Variants in PLXDC1 observed in about 807,000 individuals in gnomAD.
PLXDC1 encodes the protein plexin domain containing 1, also known as plexin domain-containing protein 1.
In PLXDC1, 39 loss-of-function variants were observed where a neutral mutation model predicts 61.3. The ratio of observed to expected loss-of-function variants is 0.64; its 90% confidence interval spans 0.49 to 0.83. The LOEUF (loss-of-function observed/expected upper bound fraction) is 0.83. Among genes scored for constraint, PLXDC1 ranks in the 40% least tolerant of loss-of-function variants. The pLI is 0.00. For missense variants in PLXDC1, 596 were observed against 666.5 expected (o/e 0.89, Z 1.17); for synonymous variants, 212 against 254.5 (o/e 0.83, Z 1.59).
intron 2 of PLXDC1, among the ~76,000 whole-genome samples, chr17:39,123,434 C>T (rs893107565): frequency 6.6e-6 from 1 of 152,164 alleles, no homozygotes; most frequent in Non-Finnish European, 1.5e-5. Flanking sequence ...AGGTGATCCA[C>T]CCGCCTCGGC....
chr17:39,109,880 C>T (rs9910746), intron 2 of PLXDC1, among the ~76,000 whole-genome samples: 5,056 of 152,330 alleles, frequency 0.033, 266 homozygotes, highest in African/African-American at 0.1. Context: ...CGGTGGCTCG[C>T]GCCTGTAATC....
In PLXDC1 at chr17:39,151,097, C is replaced by G. The variant is rs77334119; in HGVS notation, c.76+265G>C. On this transcript the variant is annotated intron_variant, in intron 1 of 13. Transcript: ENST00000315392. This position sits in a 1 kb window ranked among gnomAD's most constrained non-coding sequence, Gnocchi z 5.2. ...TCAGAGCCCATGGCCACATAGAGCCCCCTCTCCTAAGGTCCCTCCAGTATC... is the reference window on the plus strand; with the variant it reads ...TCAGAGCCCATGGCCACATAGAGCCGCCTCTCCTAAGGTCCCTCCAGTATC... Among the ~76,000 whole-genome samples, 11,835 of 152,244 alleles carry G rather than the reference C, an allele frequency of 0.078. 539 individuals carry two copies. Among genetic ancestry groups the G allele is most frequent in the East Asian group, 0.12 (635 of 5,176 alleles).
rs370170123 is a variant in PLXDC1 at position 39,088,504 on chromosome 17, C to T, written c.812-802G>A. ...GGAAAGACAGAAACACCTACCACAA[C>T]ACCCTTGGGAGGAAAAAGCTGGAAC... is the stretch of plus-strand genomic sequence containing the variant. On this transcript the variant is annotated intron_variant, in intron 7 of 13. Coordinates refer to ENST00000315392, the MANE Select transcript of PLXDC1 (RefSeq NM_020405.5). 1.2e-4 allele frequency among the ~76,000 whole-genome samples: 18 copies of T among 152,344 alleles called. No homozygotes were observed. In the East Asian group the frequency reaches 2.3e-3, roughly 20 times the overall value.
chr17:39,125,165 C>G (rs1483191954), intron 2 of PLXDC1, among the ~76,000 whole-genome samples: 1 of 152,194 alleles, frequency 6.6e-6, no homozygotes, highest in African/African-American at 2.4e-5. Context: ...CATACAATAA[C>G]CCCCAGCTGC....
At chr17:39,152,780 A>AAAAAG (rs1377007551), upstream of PLXDC1, 22 of 882,600 alleles carry the variant, frequency 2.5e-5, no homozygotes, top group East Asian at 6.6e-4. Flanking sequence ...TAAAAAAAAA[A>AAAAAG]AAAAGAAAAG....
intron 1 of PLXDC1, 135 bp from the exon 2 acceptor site, chr17:39,139,967 G>C (rs747255679): frequency 1.5e-5 from 12 of 820,840 alleles, no homozygotes; most frequent in Non-Finnish European, 2.2e-5. Flanking sequence ...TGACTACCAG[G>C]ACAGGAGACA....
At chr17:39,076,351 A>T (rs549923025) in intron 11 of PLXDC1, among the ~76,000 whole-genome samples, 1 of 151,288 alleles carries the variant, frequency 6.6e-6, no homozygotes, top group Admixed American at 6.6e-5. Flanking sequence ...TCTACAAAAA[A>T]TTTTTAAAAA....
chr17:39,101,515 G>T (rs1437634046), intron 7 of PLXDC1, among the ~76,000 whole-genome samples: 1 of 152,152 alleles, frequency 6.6e-6, no homozygotes, highest in East Asian at 1.9e-4. Context: ...GGTGAGGTGC[G>T]AGCCCCACAC....
In PLXDC1 at chr17:39,095,632, C is replaced by CT. The variant is rs538439356; in HGVS notation, c.812-7931dup. On this transcript the variant is annotated intron_variant, in intron 7 of 13. Transcript: ENST00000315392. ...AACAAGAAATGTTTTTGTTTTTTGTCTTTTTTTTTTGGCGGGGGGGTTGTT... is the reference window on the plus strand; with the variant it reads ...AACAAGAAATGTTTTTGTTTTTTGTCTTTTTTTTTTTGGCGGGGGGGTTGTT... 3.8e-3 allele frequency among the ~76,000 whole-genome samples: 552 copies of CT among 146,638 alleles called. 3 individuals are homozygous for CT. Among genetic ancestry groups the CT allele is most frequent in the South Asian group, 8.5e-3 (39 of 4,582 alleles).
intron 2 of PLXDC1, 48 bp downstream of exon 2, chr17:39,139,606 C>A: frequency 1.3e-6 from 2 of 1,511,462 alleles, no homozygotes; most frequent in East Asian, 2.3e-5. Context: ...CTGGTGAGAC[C>A]TCCCCCACCC....
At chr17:39,143,131 CCTT>C (rs1293162218) in intron 1 of PLXDC1, among the ~76,000 whole-genome samples, 4 of 152,148 alleles carry the variant, frequency 2.6e-5, no homozygotes, top group Admixed American at 2.6e-4. Context: ...AAGCGAAACT[CCTT>C]CTCCAAATAA....
chr17:39,076,806 G>A (rs1266824041), intron 11 of PLXDC1, among the ~76,000 whole-genome samples: 5 of 152,104 alleles, frequency 3.3e-5, no homozygotes, highest in Non-Finnish European at 7.4e-5. Flanking sequence ...CACAATCTTG[G>A]CTCACTGCAA....
intron 2 of PLXDC1, among the ~76,000 whole-genome samples, chr17:39,122,352 CT>C (rs2143792590): frequency 1.6e-5 from 2 of 126,050 alleles, no homozygotes; most frequent in African/African-American, 6.0e-5. Context: ...GCACTCCAGC[CT>C]GGGTGACAGA....
chr17:39,135,442 T>G (rs1911714158), intron 2 of PLXDC1, among the ~76,000 whole-genome samples: 1 of 152,174 alleles, frequency 6.6e-6, no homozygotes, highest in Non-Finnish European at 1.5e-5. Flanking sequence ...TTTGGGAGGC[T>G]GAGGCGGGTA....
In PLXDC1 at chr17:39,105,957, C is replaced by T. The variant is rs188283324; in HGVS notation, c.712-4G>A. ...TTTCCGGGACAGACATAGGGATCTG[C>T]GGCAGGGAGAAGAGACTCCGTCCAC... On this transcript the variant is annotated splice_polypyrimidine_tract_variant and splice_region_variant and intron_variant, in intron 6 of 13. Coordinates refer to ENST00000315392, the MANE Select transcript of PLXDC1 (RefSeq NM_020405.5). 1.7e-4 allele frequency: 277 copies of T among 1,608,746 alleles called. 2 individuals are homozygous for T. The East Asian group carries it at 1.8e-3, about 10-fold the overall frequency.
chr17:39,152,202 C>G (rs1039845047), upstream of PLXDC1, among the ~76,000 whole-genome samples: 2 of 151,028 alleles, frequency 1.3e-5, no homozygotes, highest in Non-Finnish European at 3.0e-5. Context: ...TTTCCAGCAC[C>G]GATTTGCCCC....
At chr17:39,075,738 A>G (rs1279906422) in intron 11 of PLXDC1, among the ~76,000 whole-genome samples, 6 of 152,184 alleles carry the variant, frequency 3.9e-5, no homozygotes, top group Non-Finnish European at 8.8e-5. Context: ...AGCCAGGTCC[A>G]TGGGTCACTG....
At chr17:39,127,669 A>G (rs1567769242) in intron 2 of PLXDC1, among the ~76,000 whole-genome samples, 1 of 152,030 alleles carries the variant, frequency 6.6e-6, no homozygotes, top group Non-Finnish European at 1.5e-5. Flanking sequence ...AAAGATGCTC[A>G]ATAAGGCCGG....
chr17:39,116,219 TAA>T (rs1401597146), intron 2 of PLXDC1, among the ~76,000 whole-genome samples: 1 of 152,196 alleles, frequency 6.6e-6, no homozygotes, highest in East Asian at 1.9e-4. Flanking sequence ...CTGAGATCTT[TAA>T]GCAACAGCTC....
Sources: gnomAD v4.1 joint callset for allele counts (sites outside exome capture counted in the v4.1 genomes callset) on GRCh38, gnomAD v4.1.1 for gene constraint, Gnocchi (gnomAD v3.1) non-coding constraint, MANE v1.5 for transcripts, NCBI Gene and HGNC (gene_info 2026-07-23, HGNC 2026-07-21) for gene names.